Variants in SECISBP2L observed in about 807,000 individuals in gnomAD.
SECISBP2L encodes the protein selenocysteine insertion sequence-binding protein 2-like.
In SECISBP2L, 43 loss-of-function variants were observed where a neutral mutation model predicts 114.7. The observed-to-expected ratio is 0.38, with a 90% confidence interval of 0.29 to 0.48. The LOEUF is 0.48. SECISBP2L is among the 20% of genes least tolerant of loss of function. The pLI, the probability that SECISBP2L is intolerant of heterozygous loss-of-function variation, is 0.98. For missense variants in SECISBP2L, 1,136 were observed against 1,301.1 expected (o/e 0.87, Z 1.95); for synonymous variants, 451 against 439.7 (o/e 1.03, Z -0.32).
intron 2 of SECISBP2L, among the ~76,000 whole-genome samples, chr15:49,036,013 T>A (rs1902998425): frequency 6.6e-6 from 1 of 152,214 alleles, no homozygotes; most frequent in Non-Finnish European, 1.5e-5. Context: ...AAGTTCCCAT[T>A]CAAGGTACAC....
rs777418676 is a variant in SECISBP2L at position 48,992,940 on chromosome 15, G to A, written c.2624-14C>T. 1.0e-5 allele frequency: 16 copies of A among 1,595,014 alleles called. No individual in the cohort carries two copies. The East Asian group carries it at 2.9e-4, about 29-fold the overall frequency. On this transcript the variant is annotated splice_polypyrimidine_tract_variant and intron_variant, in intron 17 of 17. Transcript: ENST00000559471. ...TCCAATTTGTTTCTACAAGTATCAA[G>A]CAGATTTTTTAAAAACCAGAACACT...
intron 7 of SECISBP2L, among the ~76,000 whole-genome samples, 192 bp downstream of exon 7, chr15:49,027,173 T>C (rs1478408208): frequency 1.3e-5 from 2 of 152,218 alleles, no homozygotes; most frequent in East Asian, 3.8e-4. Flanking sequence ...TGGTACCATA[T>C]ATACCCACTC....
chr15:49,006,059 G>A (rs1902316970), intron 14 of SECISBP2L, among the ~76,000 whole-genome samples: 1 of 151,846 alleles, frequency 6.6e-6, no homozygotes, highest in African/African-American at 2.4e-5. Flanking sequence ...ATTCTTCTAA[G>A]AACGTTGAAT....
At chr15:49,031,833 T>C (rs1167946354) in intron 4 of SECISBP2L, among the ~76,000 whole-genome samples, 2 of 152,186 alleles carry the variant, frequency 1.3e-5, no homozygotes, top group Non-Finnish European at 2.9e-5. Flanking sequence ...CGTAAAGAAG[T>C]AAGGATATTT....
chr15:49,028,932 C>G (rs1454846159), intron 4 of SECISBP2L, among the ~76,000 whole-genome samples: 1 of 152,098 alleles, frequency 6.6e-6, no homozygotes, highest in Admixed American at 6.5e-5. Context: ...AATCTTGGCT[C>G]ACTGCAACCT....
At chr15:49,006,641 C>CA (rs1429562725) in intron 14 of SECISBP2L, among the ~76,000 whole-genome samples, 3 of 152,196 alleles carry the variant, frequency 2.0e-5, no homozygotes, top group African/African-American at 7.2e-5. Context: ...TTCTAGTTAG[C>CA]AATTCCTCTA....
intron 14 of SECISBP2L, among the ~76,000 whole-genome samples, chr15:49,004,314 T>C (rs1566853562): frequency 6.6e-6 from 1 of 152,212 alleles, no homozygotes; most frequent in Non-Finnish European, 1.5e-5. Flanking sequence ...ATTGTGTCTA[T>C]TTGATTCTTC....
In SECISBP2L at chr15:48,993,100, A is replaced by AGAGTGT. The variant is rs772299775; in HGVS notation, c.2624-175_2624-174insACACTC. Among the ~76,000 whole-genome samples, 585 of 139,206 alleles carry AGAGTGT rather than the reference A, an allele frequency of 4.2e-3. 8 individuals are homozygous for AGAGTGT. Among genetic ancestry groups the AGAGTGT allele is most frequent in the South Asian group, 0.019 (80 of 4,214 alleles). The allele number at this position is 139,206 out of a possible 152,430, so 91.3% of individuals were successfully genotyped here. ...TAGTACTAGTTTGAGACAGAGAGAG[A>AGAGTGT]GTGTGTGTGTGTGTGTGTGTGTGTG... On this transcript the variant is annotated intron_variant, in intron 17 of 17. Coordinates refer to ENST00000559471, the MANE Select transcript of SECISBP2L (RefSeq NM_001193489.2).
At chr15:49,029,771 C>T (rs1902845231) in intron 4 of SECISBP2L, among the ~76,000 whole-genome samples, 1 of 152,050 alleles carries the variant, frequency 6.6e-6, no homozygotes, top group Non-Finnish European at 1.5e-5. Flanking sequence ...TAGTATATAC[C>T]CCCAATGATC....
chr15:49,045,678 GAGCT>G (rs1903231916), intron 1 of SECISBP2L, among the ~76,000 whole-genome samples: 1 of 151,974 alleles, frequency 6.6e-6, no homozygotes, highest in Non-Finnish European at 1.5e-5. Flanking sequence ...CCTTAAAATA[GAGCT>G]AGCTTTAAAA....
At chr15:49,012,902 C>A (rs1362268882) in intron 11 of SECISBP2L, 85 bp from the exon 12 acceptor site, 1 of 1,347,670 alleles carries the variant, frequency 7.4e-7, no homozygotes, top group Non-Finnish European at 1.0e-6. Context: ...AAAACAAGAA[C>A]ATCCTCCTCC....
In SECISBP2L at chr15:48,990,776, C is replaced by G. The variant is rs1237650140; in HGVS notation, c.*1468G>C. 1.4e-5 allele frequency: 2 copies of G among 144,940 alleles called. No individual in the cohort carries two copies. The highest frequency in any genetic ancestry group is 5.1e-5 in the African/African-American group (2 of 39,206). 9.0% of individuals were successfully genotyped at this position (144,940 alleles called of 1,614,324 possible). A position where few individuals can be genotyped will look rare whatever the true frequency, so the allele number is the denominator to read the frequency against. Reference sequence around the variant, plus strand: ...AGGGCAGGGATAATACCCCTTCCTTCTCAGTTTTGTGCCTGCTTATGGAAG... The same window carrying G: ...AGGGCAGGGATAATACCCCTTCCTTGTCAGTTTTGTGCCTGCTTATGGAAG... On this transcript the variant is annotated 3_prime_UTR_variant, in exon 18 of 18. Transcript: ENST00000559471.
At chr15:49,038,444 A>C (rs953902146) in intron 1 of SECISBP2L, among the ~76,000 whole-genome samples, 4 of 151,908 alleles carry the variant, frequency 2.6e-5, no homozygotes, top group Admixed American at 2.6e-4. Context: ...AAAAAAAAAA[A>C]ACCCTGTAGT....
At chr15:48,996,733 T>TA (rs1355967341) in intron 16 of SECISBP2L, 147 bp from the exon 17 acceptor site, 41 of 653,780 alleles carry the variant, frequency 6.3e-5, no homozygotes, top group Non-Finnish European at 1.0e-4. Context: ...CACAGAACCT[T>TA]ATGAAATTAC....
intron 2 of SECISBP2L, 108 bp from the exon 3 acceptor site, chr15:49,035,766 T>G: frequency 9.7e-7 from 1 of 1,029,112 alleles, no homozygotes; most frequent in Non-Finnish European, 1.4e-6. Context: ...AACAGTGGCT[T>G]CATGATAATT....
In SECISBP2L at chr15:48,996,530, A is replaced by G. The variant is rs150175110; in HGVS notation, c.2460T>C (p.Asp820=). 1.9e-3 allele frequency: 3,040 copies of G among 1,614,122 alleles called. 5 individuals are homozygous for G. The highest frequency in any genetic ancestry group is 2.2e-3 in the Non-Finnish European group (2,599 of 1,180,012). The change falls in exon 17 of 18, where the codon GAT becomes GAC. Residue 820 remains aspartate (D), a synonymous_variant. Coordinates refer to ENST00000559471, the MANE Select transcript of SECISBP2L (RefSeq NM_001193489.2). ...LTEEARKAYK[D]MVAAMEQEQA... ...GCTCCTGTTCCATTGCTGCAACCAT[A>G]TCTTTATATGCTTTCCTGGCCTCCT... is the stretch of plus-strand genomic sequence containing the variant.
At position 49,011,755 on chromosome 15, in the gene SECISBP2L, G is replaced by A. The variant is rs1421764388; in HGVS notation, c.1840C>T (p.Pro614Ser). 3 of 1,613,846 alleles carry A rather than the reference G, an allele frequency of 1.9e-6. No homozygotes were observed. The highest frequency in any genetic ancestry group is 2.2e-5 in the East Asian group (1 of 44,860). Residue 614 changes from proline (P) to serine (S), a missense_variant, in exon 13 of 18, where the codon CCA becomes TCA. Physicochemically the swap from Pro to Ser is moderately conservative, Grantham distance 74. Transcript: ENST00000559471. ...EMHLDFIDDL[P>S]QEIVSQEDTG... ...CCTTCCTGGGAAACAATCTCCTGTG[G>A]CAAGTCATCAATAAAATCTAAGTGC...
chr15:49,015,982 C>T (rs1317138085), intron 11 of SECISBP2L, among the ~76,000 whole-genome samples: 1 of 152,150 alleles, frequency 6.6e-6, no homozygotes, highest in East Asian at 1.9e-4. Flanking sequence ...TAGGATCATG[C>T]TGGGTGTGTC....
At chr15:49,016,777 C>T in intron 10 of SECISBP2L, 71 bp downstream of exon 10, 1 of 1,540,822 alleles carries the variant, frequency 6.5e-7, no homozygotes, top group Non-Finnish European at 8.7e-7. Context: ...CTACATTTAT[C>T]ACTCCTTCTA....
Sources: allele counts gnomAD v4.1 joint callset (sites outside exome capture counted in the v4.1 genomes callset), GRCh38; gene constraint gnomAD v4.1.1; transcripts MANE v1.5; gene names NCBI Gene and HGNC (gene_info 2026-07-23, HGNC 2026-07-21).